VMP1: variants seen among roughly 807,000 people sequenced by gnomAD.
VMP1 encodes the protein vacuole membrane protein 1, also known as ectopic P-granules autophagy protein 3 homolog.
Under a neutral mutation model 56.0 loss-of-function variants are expected in VMP1, and 11 were observed. That is an observed-to-expected ratio of 0.20 (90% CI 0.12 to 0.32). VMP1 has a LOEUF of 0.32. VMP1 is among the 10% of genes least tolerant of loss of function. VMP1 has a pLI of 1.00. For missense variants in VMP1, 296 were observed against 490.3 expected (o/e 0.60, Z 3.74); for synonymous variants, 149 against 165.0 (o/e 0.90, Z 0.74).
intron 10 of VMP1, among the ~76,000 whole-genome samples, chr17:59,818,398 A>G (rs566889195): frequency 1.3e-5 from 2 of 152,072 alleles, no homozygotes; most frequent in Non-Finnish European, 2.9e-5. Context: ...TTAATTAAGT[A>G]AGTCATGTTA....
At chr17:59,804,993 A>G (rs985009500) in intron 7 of VMP1, among the ~76,000 whole-genome samples, 15 of 152,242 alleles carry the variant, frequency 9.9e-5, no homozygotes, top group African/African-American at 3.6e-4. Flanking sequence ...TGTTAAATAC[A>G]TAATAAAATT....
chr17:59,794,610 T>C (rs918877624), intron 7 of VMP1, among the ~76,000 whole-genome samples: 4 of 138,750 alleles, frequency 2.9e-5, no homozygotes, highest in Non-Finnish European at 4.6e-5. Flanking sequence ...TACTGGCCAA[T>C]CTTAATGCTG....
chr17:59,831,088 A>T (rs2038791417), intron 10 of VMP1, among the ~76,000 whole-genome samples: 1 of 151,996 alleles, frequency 6.6e-6, no homozygotes. Context: ...AGCCTCCCAA[A>T]GTGCTCGGAT....
At chr17:59,817,098 A>G (rs4257266) in intron 9 of VMP1, among the ~76,000 whole-genome samples, 90,082 of 150,428 alleles carry the variant, frequency 0.6, 28,328 homozygotes, top group Non-Finnish European at 0.7. Context: ...GAGAAACACC[A>G]TCTCTACTAA....
chr17:59,779,626 T>G (rs2036748730), intron 7 of VMP1, among the ~76,000 whole-genome samples: 1 of 152,200 alleles, frequency 6.6e-6, no homozygotes, highest in South Asian at 2.1e-4. Flanking sequence ...TTGGGGTTAT[T>G]TTTAGAACAA....
At chr17:59,719,571 ACTTT>A (rs1183045420) in intron 1 of VMP1, among the ~76,000 whole-genome samples, 5 of 151,778 alleles carry the variant, frequency 3.3e-5, no homozygotes, top group African/African-American at 1.2e-4. Context: ...TGTTACTCTC[ACTTT>A]CTTTTCCTTT....
At chr17:59,746,170 T>TTTTA (rs754093421) in intron 5 of VMP1, among the ~76,000 whole-genome samples, 72 of 152,306 alleles carry the variant, frequency 4.7e-4, no homozygotes, top group Admixed American at 3.5e-3. Flanking sequence ...TCATTTATAT[T>TTTTA]TTTATTTATT....
intron 10 of VMP1, among the ~76,000 whole-genome samples, chr17:59,821,662 C>T (rs926723970): frequency 2.0e-5 from 3 of 150,746 alleles, no homozygotes; most frequent in Admixed American, 6.6e-5. Context: ...AAGCAATTCT[C>T]CTGACTCAGC....
intron 3 of VMP1, 91 bp from the exon 4 acceptor site, chr17:59,737,362 A>C: frequency 3.9e-6 from 5 of 1,283,318 alleles, no homozygotes; most frequent in Non-Finnish European, 5.4e-6. Flanking sequence ...TGAGCTAGGT[A>C]ACCTAACTGT....
chr17:59,755,742 G>GGTT (rs2035815908), intron 5 of VMP1, among the ~76,000 whole-genome samples: 3 of 140,408 alleles, frequency 2.1e-5, no homozygotes, highest in Non-Finnish European at 4.7e-5. Context: ...TTGGTTTTTG[G>GGTT]TTTTTTTTTT....
At chr17:59,732,259 C>A (rs1408340078) in intron 2 of VMP1, among the ~76,000 whole-genome samples, 1 of 151,990 alleles carries the variant, frequency 6.6e-6, no homozygotes, top group Non-Finnish European at 1.5e-5. Context: ...TGTTTGTTTG[C>A]TTTTTGAGAC....
chr17:59,710,471 A>G (rs1400145809), intron 1 of VMP1, among the ~76,000 whole-genome samples: 4 of 152,172 alleles, frequency 2.6e-5, no homozygotes, highest in Non-Finnish European at 2.9e-5. Flanking sequence ...GAAAATAATT[A>G]CTCTTAGGTA....
intron 5 of VMP1, among the ~76,000 whole-genome samples, chr17:59,753,913 A>G (rs996166982): frequency 6.6e-6 from 1 of 152,232 alleles, no homozygotes; most frequent in African/African-American, 2.4e-5. Context: ...ATTCAGTTAC[A>G]TTGTAGAATA....
intron 7 of VMP1, among the ~76,000 whole-genome samples, chr17:59,779,666 A>G (rs186870447): frequency 1.6e-4 from 25 of 152,312 alleles, no homozygotes; most frequent in African/African-American, 6.0e-4. Context: ...TTACTGAGTA[A>G]CAAATCACCC....
At chr17:59,832,831 G>A (rs531247199) in intron 10 of VMP1, among the ~76,000 whole-genome samples, 7 of 140,874 alleles carry the variant, frequency 5.0e-5, no homozygotes, top group African/African-American at 1.1e-4. Context: ...GGCTGGTCTC[G>A]AACTCCTGAC....
chr17:59,811,990 C>A (rs1021231938), intron 9 of VMP1, among the ~76,000 whole-genome samples: 2 of 152,100 alleles, frequency 1.3e-5, no homozygotes, highest in African/African-American at 4.8e-5. Context: ...CCCTCCTTCC[C>A]TTTCTTCCTT....
Position 59,838,276 on chromosome 17 carries a change from T to C in VMP1, c.975-19T>C. On this transcript the variant is annotated intron_variant, in intron 10 of 11. Coordinates refer to ENST00000262291, the MANE Select transcript of VMP1 (RefSeq NM_030938.5). ...CCCAAATGTGTCTTTTTCTTTGGGC[T>C]ACTGTACCCTGCTTCCAGTGCTGTC... 1 of 1,610,278 alleles carries C rather than the reference T, an allele frequency of 6.2e-7. No homozygotes were observed. Among genetic ancestry groups the C allele is most frequent in the Non-Finnish European group, 8.5e-7 (1 of 1,176,904 alleles).
At chr17:59,830,193 C>T (rs1237919782) in intron 10 of VMP1, among the ~76,000 whole-genome samples, 1 of 152,056 alleles carries the variant, frequency 6.6e-6, no homozygotes, top group African/African-American at 2.4e-5. Flanking sequence ...CCAAGTGATC[C>T]TCCCACCTCC....
intron 1 of VMP1, among the ~76,000 whole-genome samples, chr17:59,719,639 A>G (rs944694267): frequency 6.6e-6 from 1 of 152,116 alleles, no homozygotes; most frequent in African/African-American, 2.4e-5. Context: ...AGATGCTTTT[A>G]TCATGTTATC....
Sources: gnomAD v4.1 joint callset for allele counts (sites outside exome capture counted in the v4.1 genomes callset) on GRCh38, gnomAD v4.1.1 for gene constraint, MANE v1.5 for transcripts, NCBI Gene and HGNC (gene_info 2026-07-23, HGNC 2026-07-21) for gene names.